The following HDAC9 variants were observed in gnomAD, a reference collection of about 807,000 sequenced individuals.
The protein encoded by HDAC9 is MEF-2 interacting transcription repressor (MITR) protein.
HDAC9 carries 41 observed loss-of-function variants against 139.4 expected under a neutral mutation model. The observed-to-expected ratio is 0.29, with a 90% CI of 0.23 to 0.38. The LOEUF is 0.38. Ranked by LOEUF, HDAC9 falls within the 10% of genes least tolerant of loss-of-function variation. The pLI, the probability that HDAC9 is intolerant of heterozygous loss-of-function variation, is 1.00. For missense variants in HDAC9, 1,147 were observed against 1,297.0 expected, an observed-to-expected ratio of 0.88 and a Z score of 1.78; for synonymous variants, 517 against 476.2, an observed-to-expected ratio of 1.09 and a Z score of -1.12.
chr7:18,809,741 A>G (rs1027350319), intron 17 of HDAC9, among the ~76,000 whole-genome samples: 1 of 151,958 alleles, frequency 6.6e-6, no homozygotes, highest in Non-Finnish European at 1.5e-5. Flanking sequence ...AATTGTGGAG[A>G]AAAGGGAACA....
chr7:18,529,662 A>G (rs749591110), intron 2 of HDAC9, among the ~76,000 whole-genome samples: 7 of 152,220 alleles, frequency 4.6e-5, no homozygotes, highest in Non-Finnish European at 8.8e-5. Context: ...TATTTCATCC[A>G]TAGACTTGTT....
intron 1 of HDAC9, among the ~76,000 whole-genome samples, chr7:18,157,986 T>C (rs1787348053): frequency 6.6e-6 from 1 of 152,178 alleles, no homozygotes; most frequent in African/African-American, 2.4e-5. Context: ...ATGGTTAATG[T>C]CTCAATTTGA....
intron 2 of HDAC9, among the ~76,000 whole-genome samples, chr7:18,503,614 T>C (rs1003134068): frequency 1.3e-5 from 2 of 152,136 alleles, no homozygotes; most frequent in African/African-American, 4.8e-5. Context: ...TAAATACCCA[T>C]TAATTAAATC....
chr7:18,643,274 T>C (rs1786316440), intron 8 of HDAC9, among the ~76,000 whole-genome samples: 1 of 152,138 alleles, frequency 6.6e-6, no homozygotes, highest in African/African-American at 2.4e-5. Context: ...TTAAAATCTT[T>C]CCCAACAATC....
intron 1 of HDAC9, chr7:18,325,738 A>G (rs1347147304): frequency 6.6e-6 from 1 of 152,156 alleles, no homozygotes; most frequent in Admixed American, 6.6e-5. Context: ...TGGTACAGTC[A>G]TGTGATAGAC....
chr7:18,434,563 A>G (rs1311761552), intron 1 of HDAC9, among the ~76,000 whole-genome samples: 1 of 152,170 alleles, frequency 6.6e-6, no homozygotes, highest in South Asian at 2.1e-4. Flanking sequence ...AAACAACTCT[A>G]TTAGGAAGTG....
intron 1 of HDAC9, among the ~76,000 whole-genome samples, chr7:18,298,859 A>G (rs372392971): frequency 6.6e-6 from 1 of 152,214 alleles, no homozygotes; most frequent in East Asian, 1.9e-4. Context: ...CTGAAATTTT[A>G]TTAAAAGTTT....
intron 2 of HDAC9, among the ~76,000 whole-genome samples, chr7:18,183,585 T>G (rs1298050145): frequency 6.6e-6 from 1 of 152,246 alleles, no homozygotes; most frequent in Admixed American, 6.5e-5. Context: ...AAGGTTATCC[T>G]AGCATAAGAA....
intron 1 of HDAC9, among the ~76,000 whole-genome samples, chr7:18,455,410 C>T (rs1220465300): frequency 2.0e-5 from 3 of 152,018 alleles, no homozygotes; most frequent in Non-Finnish European, 4.4e-5. Flanking sequence ...TTTCATTACA[C>T]AATTGAAGAA....
intron 1 of HDAC9, among the ~76,000 whole-genome samples, chr7:18,422,939 T>A (rs1231462340): frequency 6.6e-6 from 1 of 152,214 alleles, no homozygotes; most frequent in Non-Finnish European, 1.5e-5. Context: ...AATCTCATAG[T>A]CCAAGGTATG....
intron 1 of HDAC9, among the ~76,000 whole-genome samples, chr7:18,383,644 TTAAAGAAA>T (rs1195539033): frequency 6.6e-6 from 1 of 151,584 alleles, no homozygotes; most frequent in Non-Finnish European, 1.5e-5. Context: ...GCATCTAACA[TTAAAGAAA>T]GCTTTTTTAG....
intron 22 of HDAC9, among the ~76,000 whole-genome samples, chr7:18,908,423 G>C (rs997427581): frequency 3.9e-5 from 6 of 151,944 alleles, no homozygotes; most frequent in Non-Finnish European, 5.9e-5. Context: ...TCTAGCTATT[G>C]GAAAACAGAA....
chr7:18,412,798 AG>A (rs1788695804), intron 1 of HDAC9, among the ~76,000 whole-genome samples: 2 of 152,216 alleles, frequency 1.3e-5, no homozygotes, highest in Non-Finnish European at 2.9e-5. Flanking sequence ...TTAGAAGAAA[AG>A]GCCGTCTAGC....
chr7:18,815,708 T>TG (rs1161954137), intron 17 of HDAC9, among the ~76,000 whole-genome samples: 2 of 152,250 alleles, frequency 1.3e-5, no homozygotes, highest in Non-Finnish European at 2.9e-5. Context: ...AGAGCAGGGC[T>TG]GGCAGCTGTG....
At chr7:18,413,813 A>G (rs1337355897) in intron 1 of HDAC9, among the ~76,000 whole-genome samples, 1 of 152,168 alleles carries the variant, frequency 6.6e-6, no homozygotes, top group East Asian at 1.9e-4. Flanking sequence ...TTTGCTGCCT[A>G]AAACTAAAGA....
chr7:18,158,201 G>A (rs1205597703), intron 1 of HDAC9, among the ~76,000 whole-genome samples: 1 of 152,132 alleles, frequency 6.6e-6, no homozygotes, highest in Admixed American at 6.5e-5. Context: ...AAAGACAACT[G>A]TAATAAGCTC....
intron 22 of HDAC9, among the ~76,000 whole-genome samples, chr7:18,905,773 T>C (rs765710446): frequency 6.6e-6 from 1 of 152,210 alleles, no homozygotes; most frequent in Non-Finnish European, 1.5e-5. Flanking sequence ...CTACAACCTC[T>C]TAACATATTA....
chr7:18,513,740 C>T (rs1331850298), intron 2 of HDAC9, among the ~76,000 whole-genome samples: 1 of 152,124 alleles, frequency 6.6e-6, no homozygotes, highest in African/African-American at 2.4e-5. Flanking sequence ...GGATGGGTTG[C>T]CTAGATTACC....
intron 1 of HDAC9, among the ~76,000 whole-genome samples, chr7:18,310,809 T>TAC (rs71847714): frequency 0.093 from 13,293 of 143,020 alleles, 564 homozygotes; most frequent in African/African-American, 0.11. Context: ...ACAAATCCAT[T>TAC]ACACACACAC....
Sources: gnomAD v4.1 joint callset for allele counts (sites outside exome capture counted in the v4.1 genomes callset) on GRCh38, gnomAD v4.1.1 for gene constraint, MANE v1.5 for transcripts, NCBI Gene and HGNC (gene_info 2026-07-23, HGNC 2026-07-21) for gene names.